Variants in EYS observed in about 807,000 individuals in gnomAD.
The protein encoded by EYS is protein eyes shut homolog.
In EYS, 250 loss-of-function variants were observed where a neutral mutation model predicts 282.1. That is an observed-to-expected ratio of 0.89 (90% CI 0.80 to 0.98). The LOEUF is 0.98. Among genes scored for constraint, EYS ranks in the 50% least tolerant of loss-of-function variants. EYS has a pLI of 0.00. For missense variants in EYS, 4,016 were observed against 3,709.0 expected (o/e 1.08, Z -2.15); for synonymous variants, 1,355 against 1,282.9 (o/e 1.06, Z -1.20).
At chr6:64,548,230 G>A (rs1764945123) in intron 26 of EYS, among the ~76,000 whole-genome samples, 1 of 152,190 alleles carries the variant, frequency 6.6e-6, no homozygotes, top group Non-Finnish European at 1.5e-5. Flanking sequence ...CCTCTCAGTG[G>A]GACTGTAAAC....
intron 31 of EYS, among the ~76,000 whole-genome samples, chr6:64,146,708 C>T (rs1376877264): frequency 6.6e-6 from 1 of 152,084 alleles, no homozygotes; most frequent in Non-Finnish European, 1.5e-5. Flanking sequence ...GTTAATTTCC[C>T]TCCACTCCAG....
At chr6:64,066,608 G>T (rs780973754) in intron 32 of EYS, 117 bp from the exon 33 acceptor site, 1 of 684,020 alleles carries the variant, frequency 1.5e-6, no homozygotes, top group Non-Finnish European at 2.4e-6. Flanking sequence ...TGGTAGGAGT[G>T]CTATTAGATA....
At chr6:64,647,724 C>T (rs1247594285) in intron 22 of EYS, among the ~76,000 whole-genome samples, 1 of 151,810 alleles carries the variant, frequency 6.6e-6, no homozygotes, top group African/African-American at 2.4e-5. Context: ...AGAAAAAAAA[C>T]GCTAGTATTC....
At chr6:63,798,982 T>G (rs1307845645) in intron 37 of EYS, among the ~76,000 whole-genome samples, 13 of 105,044 alleles carry the variant, frequency 1.2e-4, no homozygotes, top group African/African-American at 5.5e-4. Context: ...TATATGTATA[T>G]GTGTGTATAT....
chr6:65,654,949 T>C (rs1438768039), intron 1 of EYS, among the ~76,000 whole-genome samples: 1 of 147,874 alleles, frequency 6.8e-6, no homozygotes, highest in Non-Finnish European at 1.5e-5. Flanking sequence ...AAAATGTGCT[T>C]GTCTTCCTGA....
At chr6:65,668,899 A>T (rs1768286211) in intron 1 of EYS, among the ~76,000 whole-genome samples, 1 of 151,926 alleles carries the variant, frequency 6.6e-6, no homozygotes, top group Non-Finnish European at 1.5e-5. Flanking sequence ...GTCTCACTAA[A>T]GGGTTGGGCA....
At chr6:64,691,989 A>T (rs558195601) in intron 22 of EYS, among the ~76,000 whole-genome samples, 4 of 152,194 alleles carry the variant, frequency 2.6e-5, no homozygotes, top group African/African-American at 9.6e-5. Context: ...TTGGTAGACC[A>T]ATTTATTTTC....
At chr6:64,837,973 A>G (rs973317653) in intron 19 of EYS, among the ~76,000 whole-genome samples, 10 of 151,680 alleles carry the variant, frequency 6.6e-5, no homozygotes, top group African/African-American at 2.4e-4. Context: ...TGCATATAAC[A>G]AAACTGCACT....
At chr6:63,945,986 C>T (rs1334903581) in intron 35 of EYS, among the ~76,000 whole-genome samples, 1 of 152,200 alleles carries the variant, frequency 6.6e-6, no homozygotes, top group Non-Finnish European at 1.5e-5. Flanking sequence ...GAGTTCACTG[C>T]TCTATTTAGA....
At chr6:65,196,848 G>A (rs1041000312) in intron 12 of EYS, among the ~76,000 whole-genome samples, 1 of 152,058 alleles carries the variant, frequency 6.6e-6, no homozygotes, top group Admixed American at 6.6e-5. Flanking sequence ...TTTCCATTAA[G>A]AGGGAGTGGT....
At chr6:64,789,797 C>T (rs1207059404) in intron 22 of EYS, among the ~76,000 whole-genome samples, 2 of 151,768 alleles carry the variant, frequency 1.3e-5, no homozygotes, top group Admixed American at 6.6e-5. Flanking sequence ...TGATATACTA[C>T]ATGGCACAGC....
intron 5 of EYS, among the ~76,000 whole-genome samples, chr6:65,409,182 G>A (rs1025770689): frequency 3.9e-5 from 6 of 152,128 alleles, no homozygotes; most frequent in Non-Finnish European, 8.8e-5. Flanking sequence ...GGCACTTGAA[G>A]GGATGTGAAA....
intron 29 of EYS, among the ~76,000 whole-genome samples, chr6:64,321,205 C>T (rs1922975): frequency 0.75 from 114,024 of 151,558 alleles, 43,483 homozygotes; most frequent in African/African-American, 0.89. Flanking sequence ...ATACTATGAA[C>T]ACTTATTAAT....
intron 12 of EYS, among the ~76,000 whole-genome samples, chr6:65,169,772 T>C (rs1765061511): frequency 6.6e-6 from 1 of 151,474 alleles, no homozygotes; most frequent in Admixed American, 6.6e-5. Context: ...CCTCAAATTT[T>C]GAGTGCACTT....
chr6:64,935,191 A>G (rs1768867352), intron 15 of EYS, among the ~76,000 whole-genome samples: 1 of 151,806 alleles, frequency 6.6e-6, no homozygotes, highest in Admixed American at 6.6e-5. Flanking sequence ...TCAGAAAAAA[A>G]TATCTATTTA....
At chr6:63,805,819 T>G (rs1440299046) in intron 37 of EYS, among the ~76,000 whole-genome samples, 1 of 152,190 alleles carries the variant, frequency 6.6e-6, no homozygotes, top group African/African-American at 2.4e-5. Context: ...TGCTGCCTTG[T>G]GAAGAAAGTA....
chr6:65,143,170 G>A (rs1764390967), intron 12 of EYS, among the ~76,000 whole-genome samples: 1 of 151,954 alleles, frequency 6.6e-6, no homozygotes, highest in African/African-American at 2.4e-5. Flanking sequence ...ATATACTCAT[G>A]CAATGGAATA....
chr6:64,216,849 G>A (rs981789348), intron 31 of EYS, among the ~76,000 whole-genome samples: 4 of 152,054 alleles, frequency 2.6e-5, no homozygotes, highest in East Asian at 1.9e-4. Context: ...AGCTAAAAGG[G>A]GCTCTCAAAG....
At chr6:65,559,178 T>C (rs983929944) in intron 2 of EYS, among the ~76,000 whole-genome samples, 7 of 152,136 alleles carry the variant, frequency 4.6e-5, no homozygotes, top group Non-Finnish European at 8.8e-5. Context: ...GAAATCAGTC[T>C]TTAGTTCTTT....
Sources: allele counts gnomAD v4.1 joint callset (sites outside exome capture counted in the v4.1 genomes callset), GRCh38; gene constraint gnomAD v4.1.1; transcripts MANE v1.5; gene names NCBI Gene and HGNC (gene_info 2026-07-23, HGNC 2026-07-21).